The following ZNF385D variants were observed in gnomAD, a reference collection of about 807,000 sequenced individuals.
ZNF385D encodes zinc finger protein 385D, also known as zinc finger protein 659.
In ZNF385D, 15 loss-of-function variants were observed where a neutral mutation model predicts 35.8. The ratio of observed to expected loss-of-function variants is 0.42; its 90% CI spans 0.28 to 0.64. The LOEUF (loss-of-function observed/expected upper bound fraction) is 0.64. Among genes scored for constraint, ZNF385D ranks in the 30% least tolerant of loss-of-function variants. The pLI, the probability that ZNF385D is intolerant of heterozygous loss-of-function variation, is 0.23. For missense variants in ZNF385D, 474 were observed against 494.6 expected, an observed-to-expected ratio of 0.96 and a Z score of 0.39; for synonymous variants, 212 against 186.8, an observed-to-expected ratio of 1.13 and a Z score of -1.10.
At chr3:21,971,774 T>A (rs891721082) in intron 3 of ZNF385D, among the ~76,000 whole-genome samples, 2 of 151,522 alleles carry the variant, frequency 1.3e-5, no homozygotes, top group Admixed American at 1.3e-4. Context: ...TGAAAAAAGA[T>A]ATTTCGTGCC....
chr3:22,190,420 T>C (rs192988194), intron 2 of ZNF385D, among the ~76,000 whole-genome samples: 3 of 152,296 alleles, frequency 2.0e-5, no homozygotes, highest in Non-Finnish European at 4.4e-5. Context: ...GTAACCTTAA[T>C]TGCATTTCAA....
In ZNF385D at chr3:21,671,069, G is replaced by C. The variant is rs190057969; in HGVS notation, c.23-6041C>G. On this transcript the variant is annotated intron_variant, in intron 1 of 7. Transcript: ENST00000281523. ...TTTTTGAACACAGGTCCCACGGAGAGGCATAAAGCTCAGTTGTGCATGTAC... is the reference window on the plus strand; with the variant it reads ...TTTTTGAACACAGGTCCCACGGAGACGCATAAAGCTCAGTTGTGCATGTAC... Among the ~76,000 whole-genome samples, 14 of 152,092 alleles carry C rather than the reference G, an allele frequency of 9.2e-5. No individual in the cohort carries two copies. In the East Asian group the frequency reaches 2.7e-3, roughly 29 times the overall value.
intron 3 of ZNF385D, among the ~76,000 whole-genome samples, chr3:21,543,737 T>A (rs894024066): frequency 6.6e-6 from 1 of 152,206 alleles, no homozygotes; most frequent in African/African-American, 2.4e-5. Context: ...TTAAAGTTTC[T>A]TTTTTTCTTT....
At chr3:21,568,375 ACTTAT>A (rs1042494426) in intron 2 of ZNF385D, among the ~76,000 whole-genome samples, 4 of 152,192 alleles carry the variant, frequency 2.6e-5, no homozygotes, top group Non-Finnish European at 4.4e-5. Context: ...TTTTGTCTAA[ACTTAT>A]CTTTATTTAC....
intron 3 of ZNF385D, among the ~76,000 whole-genome samples, chr3:21,917,477 T>G (rs1469036001): frequency 6.6e-6 from 1 of 152,154 alleles, no homozygotes; most frequent in Non-Finnish European, 1.5e-5. Context: ...AGAATGGTGG[T>G]GCTTCTGATA....
chr3:22,164,397 T>C (rs1706177000), intron 3 of ZNF385D, among the ~76,000 whole-genome samples: 3 of 151,608 alleles, frequency 2.0e-5, no homozygotes, highest in African/African-American at 7.3e-5. Context: ...TCTAGCTAAT[T>C]TTTGTATTTT....
intron 2 of ZNF385D, among the ~76,000 whole-genome samples, chr3:22,283,574 A>G (rs775258554): frequency 1.3e-5 from 2 of 152,186 alleles, no homozygotes; most frequent in South Asian, 2.1e-4. Flanking sequence ...TCCAGAATAT[A>G]TAAAGCTGAA....
intron 3 of ZNF385D, among the ~76,000 whole-genome samples, chr3:21,810,307 T>C (rs532320570): frequency 2.0e-5 from 3 of 151,898 alleles, no homozygotes; most frequent in East Asian, 3.9e-4. Context: ...GCACTTACCA[T>C]TCACGATAAA....
At chr3:21,449,148 A>G (rs994093952) in intron 4 of ZNF385D, among the ~76,000 whole-genome samples, 2 of 152,108 alleles carry the variant, frequency 1.3e-5, no homozygotes, top group African/African-American at 2.4e-5. Flanking sequence ...AATACTTTAA[A>G]TATATTTTAC....
intron 3 of ZNF385D, among the ~76,000 whole-genome samples, chr3:22,031,786 G>T (rs764604564): frequency 2.6e-5 from 4 of 152,102 alleles, no homozygotes; most frequent in African/African-American, 9.7e-5. Context: ...CTTTTCTACC[G>T]CATGGTCACG....
Position 22,283,317 on chromosome 3 carries a change from C to T in ZNF385D, c.106+89133G>A, listed in dbSNP as rs114614663. ...AGGAAACAATGGACTTAAACTAAACCCTAGAACAAATGGACCTAACAGATA... is the reference window on the plus strand; with the variant it reads ...AGGAAACAATGGACTTAAACTAAACTCTAGAACAAATGGACCTAACAGATA... On this transcript the variant is annotated intron_variant, in intron 2 of 5. Coordinates refer to the ZNF385D transcript ENST00000494108. Among the ~76,000 whole-genome samples, 740 of 152,100 alleles carry T rather than the reference C, an allele frequency of 4.9e-3. 3 individuals carry two copies. Among genetic ancestry groups the T allele is most frequent in the African/African-American group, 0.017 (705 of 41,524 alleles).
At chr3:22,031,333 C>T (rs1697988559) in intron 3 of ZNF385D, among the ~76,000 whole-genome samples, 1 of 152,244 alleles carries the variant, frequency 6.6e-6, no homozygotes, top group South Asian at 2.1e-4. Context: ...GGCTCTGCCC[C>T]TGCAGCAGGC....
At chr3:21,446,211 C>A (rs1181109763) in intron 4 of ZNF385D, among the ~76,000 whole-genome samples, 1 of 152,108 alleles carries the variant, frequency 6.6e-6, no homozygotes, top group Non-Finnish European at 1.5e-5. Context: ...GACAGATCTG[C>A]CAATTAGTTT....
Position 22,221,938 on chromosome 3 carries a change from A to G in ZNF385D, c.107-52903T>C, listed in dbSNP as rs1218629038. On this transcript the variant is annotated intron_variant, in intron 2 of 5. Transcript: ENST00000494108. ...ACAGAGAAACCATAGGTTTTCTAGG[A>G]TAGTTTTCAAAACTACTTAATACAG... 2.0e-5 allele frequency among the ~76,000 whole-genome samples: 3 copies of G among 152,206 alleles called. No individual in the cohort carries two copies. The East Asian group carries it at 5.8e-4, about 29-fold the overall frequency.
intron 2 of ZNF385D, among the ~76,000 whole-genome samples, chr3:21,622,678 A>C (rs914244336): frequency 3.3e-5 from 5 of 152,086 alleles, no homozygotes; most frequent in Non-Finnish European, 5.9e-5. Context: ...CATATAGTTC[A>C]AGAAGTCTTA....
At chr3:22,206,793 T>G (rs1468521477) in intron 2 of ZNF385D, among the ~76,000 whole-genome samples, 1 of 151,636 alleles carries the variant, frequency 6.6e-6, no homozygotes, top group Non-Finnish European at 1.5e-5. Context: ...AAGGAGGAAG[T>G]TTATAAATGC....
chr3:21,687,887 A>G (rs565617588), intron 1 of ZNF385D, among the ~76,000 whole-genome samples: 1 of 152,268 alleles, frequency 6.6e-6, no homozygotes, highest in East Asian at 1.9e-4. Context: ...AAGTCTGACA[A>G]TGTAAACAAA....
At chr3:22,368,669 C>T (rs1254683794) in intron 2 of ZNF385D, among the ~76,000 whole-genome samples, 1 of 152,124 alleles carries the variant, frequency 6.6e-6, no homozygotes, top group Non-Finnish European at 1.5e-5. Flanking sequence ...AGAAAGGGTC[C>T]TCATCTCTTC....
At chr3:21,537,837 G>T (rs1258786046) in intron 3 of ZNF385D, among the ~76,000 whole-genome samples, 1 of 152,056 alleles carries the variant, frequency 6.6e-6, no homozygotes, top group African/African-American at 2.4e-5. Flanking sequence ...ACCATTAGAA[G>T]ATTTTCAACA....
Sources: allele counts gnomAD v4.1 joint callset (sites outside exome capture counted in the v4.1 genomes callset), GRCh38; gene constraint gnomAD v4.1.1; transcripts MANE v1.5; gene names NCBI Gene and HGNC (gene_info 2026-07-23, HGNC 2026-07-21).